COL6A5: variants seen among roughly 807,000 people sequenced by gnomAD.
COL6A5 encodes the protein collagen type VI alpha 5 chain, also known as collagen alpha-5(VI) chain.
Under a neutral mutation model 65.6 loss-of-function variants are expected in COL6A5, and 48 were observed. The observed-to-expected ratio is 0.73, with a 90% CI of 0.58 to 0.93. COL6A5 has a LOEUF of 0.93. Ranked by LOEUF, COL6A5 falls within the 40% of genes least tolerant of loss-of-function variation. COL6A5 has a pLI of 0.00. For missense variants in COL6A5, 914 were observed against 928.3 expected, an observed-to-expected ratio of 0.98 and a Z score of 0.20; for synonymous variants, 291 against 322.8, an observed-to-expected ratio of 0.90 and a Z score of 1.05.
intron 7 of COL6A5, among the ~76,000 whole-genome samples, chr3:130,472,502 G>A (rs1709976261): frequency 6.6e-6 from 1 of 151,940 alleles, no homozygotes; most frequent in Admixed American, 6.6e-5. Flanking sequence ...ATTGGCTCTA[G>A]GGCAGCGATT....
intron 4 of COL6A5, among the ~76,000 whole-genome samples, chr3:130,383,642 CCG>C (rs1936082744): frequency 1.3e-5 from 2 of 151,986 alleles, no homozygotes; most frequent in Non-Finnish European, 2.9e-5. Context: ...GGAGCAACTG[CCG>C]TGGGCTGAAG....
At chr3:130,430,670 T>C (rs374158956), upstream of COL6A5, among the ~76,000 whole-genome samples, 6 of 152,314 alleles carry the variant, frequency 3.9e-5, no homozygotes, top group East Asian at 1.9e-4. Context: ...TAAGAGCTTA[T>C]TGCAAACTTT....
intron 3 of COL6A5, among the ~76,000 whole-genome samples, chr3:130,378,720 C>T (rs1419574585): frequency 2.0e-5 from 3 of 152,092 alleles, no homozygotes; most frequent in South Asian, 2.1e-4. Context: ...TTCAGAACTC[C>T]GTGTGGCTGA....
intron 6 of COL6A5, among the ~76,000 whole-genome samples, chr3:130,389,383 T>C (rs540266408): frequency 3.2e-4 from 48 of 152,232 alleles, no homozygotes; most frequent in African/African-American, 1.1e-3. Context: ...TCCCAGAATT[T>C]TACTTTAAAC....
At chr3:130,460,659 T>C (rs1237614353) in intron 5 of COL6A5, among the ~76,000 whole-genome samples, 2 of 152,016 alleles carry the variant, frequency 1.3e-5, no homozygotes, top group Non-Finnish European at 2.9e-5. Flanking sequence ...GTGTTGGTGC[T>C]GGTCATGGTA....
chr3:130,395,184 A>G (rs1214681410), exon 8 of COL6A5: 5 of 1,551,690 alleles, frequency 3.2e-6, no homozygotes, highest in Non-Finnish European at 3.5e-6. Flanking sequence ...AATATGTTTA[A>G]TCTACATGCT....
exon 3 of COL6A5, chr3:130,376,618 TG>T: frequency 6.2e-7 from 1 of 1,610,816 alleles, no homozygotes; most frequent in Non-Finnish European, 8.5e-7. Context: ...GAGGATGAAG[TG>T]GAAGAGGCTT....
At chr3:130,476,898 C>A in intron 7 of COL6A5, 1 of 693,070 alleles carries the variant, frequency 1.4e-6, no homozygotes, top group Admixed American at 2.0e-5. Flanking sequence ...TAGCCAGCAG[C>A]TTGGGTTAGT....
chr3:130,400,991 A>G, intron 10 of COL6A5, 40 bp from the exon 11 acceptor site: 1 of 1,468,664 alleles, frequency 6.8e-7, no homozygotes, highest in Non-Finnish European at 9.1e-7. Flanking sequence ...TTCATGTACA[A>G]CCCCTTTGCT....
At chr3:130,473,127 TCA>T (rs1216872113) in intron 7 of COL6A5, among the ~76,000 whole-genome samples, 1 of 151,912 alleles carries the variant, frequency 6.6e-6, no homozygotes, top group Non-Finnish European at 1.5e-5. Context: ...TGGAATAAGT[TCA>T]TTTTTGTTTC....
chr3:130,444,818 C>T (rs570111787), intron 4 of COL6A5, among the ~76,000 whole-genome samples: 6 of 152,130 alleles, frequency 3.9e-5, no homozygotes, highest in Non-Finnish European at 7.4e-5. Context: ...TGAGAGGATT[C>T]AAAAATTTGT....
At chr3:130,384,391 G>A (rs1340039557) in intron 4 of COL6A5, among the ~76,000 whole-genome samples, 1 of 152,006 alleles carries the variant, frequency 6.6e-6, no homozygotes, top group Non-Finnish European at 1.5e-5. Context: ...TCTTATTCTA[G>A]TTGCTCTGGG....
chr3:130,435,223 T>C (rs1410077164), intron 1 of COL6A5, among the ~76,000 whole-genome samples: 7 of 152,054 alleles, frequency 4.6e-5, no homozygotes, highest in Non-Finnish European at 1.5e-5. Flanking sequence ...TTGTTTTTGT[T>C]AGGTTTGTCG....
chr3:130,414,011 A>G, intron 21 of COL6A5, 58 bp from the exon 22 acceptor site: 2 of 1,318,136 alleles, frequency 1.5e-6, no homozygotes, highest in Non-Finnish European at 2.1e-6. Flanking sequence ...TATGAAAAGA[A>G]AATCTATATG....
intron 8 of COL6A5, 54 bp from the exon 9 acceptor site, chr3:130,397,529 C>A (rs746290977): frequency 2.9e-6 from 4 of 1,391,858 alleles, no homozygotes; most frequent in Non-Finnish European, 3.9e-6. Flanking sequence ...TGCCGTCTCT[C>A]CTTCCTTACT....
At chr3:130,458,786 G>A (rs1439695026) in intron 5 of COL6A5, among the ~76,000 whole-genome samples, 3 of 152,134 alleles carry the variant, frequency 2.0e-5, no homozygotes, top group African/African-American at 4.8e-5. Flanking sequence ...ATCTAAATAT[G>A]TAGAGATTAT....
At chr3:130,464,886 C>T (rs1016807660) in intron 5 of COL6A5, among the ~76,000 whole-genome samples, 1 of 152,018 alleles carries the variant, frequency 6.6e-6, no homozygotes, top group Admixed American at 6.6e-5. Flanking sequence ...TATATATGAC[C>T]AGTTCTTAGT....
intron 20 of COL6A5, among the ~76,000 whole-genome samples, chr3:130,412,803 G>A (rs16827439): frequency 0.083 from 12,603 of 152,234 alleles, 607 homozygotes; most frequent in Middle Eastern, 0.11. Flanking sequence ...TACTTGATCT[G>A]ATAGTTTATT....
At chr3:130,454,935 G>A (rs1259714149) in intron 4 of COL6A5, among the ~76,000 whole-genome samples, 2 of 152,118 alleles carry the variant, frequency 1.3e-5, no homozygotes, top group Non-Finnish European at 2.9e-5. Context: ...GAGCCCAGGA[G>A]TTTGAGACTA....
Sources: gnomAD v4.1 joint callset for allele counts (sites outside exome capture counted in the v4.1 genomes callset) on GRCh38, gnomAD v4.1.1 for gene constraint, MANE v1.5 for transcripts, NCBI Gene and HGNC (gene_info 2026-07-23, HGNC 2026-07-21) for gene names.